Variants in MYH15 observed in about 807,000 individuals in gnomAD.
The protein encoded by MYH15 is myosin-15.
MYH15 carries 227 observed loss-of-function variants against 240.5 expected under a neutral mutation model. That is an observed-to-expected ratio of 0.94 (90% CI 0.85 to 1.05). The LOEUF (loss-of-function observed/expected upper bound fraction) is 1.05, where lower values mean the gene tolerates loss of function less well. MYH15 is among the 50% of genes least tolerant of loss of function. The pLI is 0.00. For synonymous variants in MYH15, 785 were observed against 796.7 expected, an observed-to-expected ratio of 0.99 and a Z score of 0.25; for missense variants, 2,217 against 2,247.5, an observed-to-expected ratio of 0.99 and a Z score of 0.27.
At chr3:108,533,238 A>T (rs149348538), upstream of MYH15, among the ~76,000 whole-genome samples, 262 of 151,684 alleles carry the variant, frequency 1.7e-3, no homozygotes, top group South Asian at 7.1e-3. Context: ...CAGTAGAAAG[A>T]AGTTCAGGCA....
intron 1 of MYH15, among the ~76,000 whole-genome samples, chr3:108,508,204 G>T (rs1013233411): frequency 6.6e-6 from 1 of 152,110 alleles, no homozygotes; most frequent in Admixed American, 6.5e-5. Flanking sequence ...CCAGGAGTAG[G>T]CTCACCACCT....
chr3:108,533,115 A>C (rs1166972341), upstream of MYH15, among the ~76,000 whole-genome samples: 1 of 129,054 alleles, frequency 7.7e-6, no homozygotes, highest in Non-Finnish European at 1.6e-5. Flanking sequence ...AAAACAATAA[A>C]AGCTTTTTTT....
the MYH15 span, among the ~76,000 whole-genome samples, chr3:108,544,685 T>C: frequency 6.6e-6 from 1 of 152,170 alleles, no homozygotes; most frequent in African/African-American, 2.4e-5. Context: ...ATTATTGAGT[T>C]CTCTCTCCTC....
chr3:108,405,254 T>C (rs936058386), intron 33 of MYH15, 84 bp downstream of exon 33: 2 of 696,780 alleles, frequency 2.9e-6, no homozygotes, highest in Admixed American at 3.5e-5. Context: ...ACAGGGGCCA[T>C]AAAAGCAGCC....
intron 14 of MYH15, among the ~76,000 whole-genome samples, chr3:108,465,929 AAAACAAAAAAAC>A (rs1310174257): frequency 4.2e-5 from 6 of 142,438 alleles, no homozygotes; most frequent in Non-Finnish European, 6.5e-5. Context: ...TCTGTCTCAA[AAAACAAAAAAAC>A]AAACAAAAAA....
At chr3:108,492,439 C>G in intron 9 of MYH15, 61 bp downstream of exon 9, 1 of 1,268,008 alleles carries the variant, frequency 7.9e-7, no homozygotes. Context: ...TTTTCATCCC[C>G]CAAATATGAC....
chr3:108,430,775 C>G (rs376294618), intron 26 of MYH15, 57 bp downstream of exon 26: 3 of 1,319,604 alleles, frequency 2.3e-6, no homozygotes, highest in East Asian at 4.6e-5. Context: ...ATTGAACCAC[C>G]AGTCATCACC....
chr3:108,528,858 T>C (rs957754674), intron 1 of MYH15, among the ~76,000 whole-genome samples: 1 of 152,152 alleles, frequency 6.6e-6, no homozygotes, highest in Non-Finnish European at 1.5e-5. Context: ...CAGTAAATAA[T>C]TAGAATTCAG....
intron 17 of MYH15, among the ~76,000 whole-genome samples, chr3:108,460,061 T>G (rs1288271247): frequency 1.3e-5 from 2 of 152,052 alleles, no homozygotes; most frequent in African/African-American, 4.8e-5. Flanking sequence ...CAACTCAGAG[T>G]TGTTATGAGC....
upstream of MYH15, among the ~76,000 whole-genome samples, chr3:108,533,213 G>A (rs1419489521): frequency 6.8e-6 from 1 of 147,204 alleles, no homozygotes. Context: ...TCCTTGAGAA[G>A]GTCCCAACAG....
At chr3:108,428,471 G>A in intron 27 of MYH15, 21 bp downstream of exon 27, 1 of 1,581,314 alleles carries the variant, frequency 6.3e-7, no homozygotes, top group Non-Finnish European at 8.6e-7. Context: ...AAGACCACGA[G>A]GATGGCATGG....
chr3:108,534,469 GGTTTA>G, the MYH15 span, among the ~76,000 whole-genome samples: 1 of 152,112 alleles, frequency 6.6e-6, no homozygotes, highest in Admixed American at 6.5e-5. Flanking sequence ...GCCAGAAACT[GGTTTA>G]ATTTTGTCTC....
At position 108,510,541 on chromosome 3, in the gene MYH15, G is replaced by A; in HGVS notation, c.-11C>T. 3 of 1,610,702 alleles carry A rather than the reference G, an allele frequency of 1.9e-6. No homozygotes were observed. The highest frequency in any genetic ancestry group is 1.1e-5 in the South Asian group (1 of 90,850). ...GTCTGACAGATCCATCTTTATTAAA[G>A]CAATCCACCAAAAAAAGGCCCTAAA... On this transcript the variant is annotated 5_prime_UTR_variant, in exon 1 of 41. Transcript: ENST00000693548.
At chr3:108,534,832 G>T in the MYH15 span, among the ~76,000 whole-genome samples, 4 of 152,040 alleles carry the variant, frequency 2.6e-5, no homozygotes, top group African/African-American at 7.2e-5. Flanking sequence ...AGTGAGCCAT[G>T]ATCAAACCAT....
chr3:108,384,507 C>T, intron 39 of MYH15, among the ~76,000 whole-genome samples, 180 bp downstream of exon 39: 1 of 152,112 alleles, frequency 6.6e-6, no homozygotes, highest in East Asian at 1.9e-4. Context: ...GAGGGAAAAG[C>T]CACGCACATT....
intron 12 of MYH15, among the ~76,000 whole-genome samples, chr3:108,471,936 GATCTAACC>G (rs1406469829): frequency 6.6e-6 from 1 of 152,194 alleles, no homozygotes; most frequent in Non-Finnish European, 1.5e-5. Flanking sequence ...TTTGGCAAGT[GATCTAACC>G]TTTCTGGAAA....
At chr3:108,387,825 A>G (rs569163927) in intron 38 of MYH15, among the ~76,000 whole-genome samples, 1 of 152,346 alleles carries the variant, frequency 6.6e-6, no homozygotes, top group African/African-American at 2.4e-5. Flanking sequence ...GGAACCGCTT[A>G]ATAATAAAAG....
At chr3:108,532,119 C>T (rs185931109), upstream of MYH15, among the ~76,000 whole-genome samples, 28 of 151,822 alleles carry the variant, frequency 1.8e-4, no homozygotes, top group Middle Eastern at 6.8e-3. Flanking sequence ...AACATTTTCC[C>T]TATATAAAGA....
intron 1 of MYH15, among the ~76,000 whole-genome samples, chr3:108,518,727 C>G (rs564369411): frequency 6.6e-6 from 1 of 152,200 alleles, no homozygotes; most frequent in Non-Finnish European, 1.5e-5. Context: ...ACATTCAGCC[C>G]TGTCCCTCAT....
Sources: gnomAD v4.1 joint callset for allele counts (sites outside exome capture counted in the v4.1 genomes callset) on GRCh38, gnomAD v4.1.1 for gene constraint, MANE v1.5 for transcripts, NCBI Gene and HGNC (gene_info 2026-07-23, HGNC 2026-07-21) for gene names.